Variants in SLC13A5 observed in about 807,000 individuals in gnomAD.
The protein encoded by SLC13A5 is Na(+)/citrate cotransporter.
SLC13A5 carries 25 observed loss-of-function variants against 56.5 expected under a neutral mutation model. That is an observed-to-expected ratio of 0.44 (90% CI 0.32 to 0.62). The LOEUF (loss-of-function observed/expected upper bound fraction) is 0.62, where lower values mean the gene tolerates loss of function less well. Among genes scored for constraint, SLC13A5 ranks in the 20% least tolerant of loss-of-function variants. SLC13A5 has a pLI of 0.04. For missense variants in SLC13A5, 649 were observed against 737.8 expected (o/e 0.88, Z 1.39); for synonymous variants, 307 against 301.5 (o/e 1.02, Z -0.19).
intron 6 of SLC13A5, 135 bp downstream of exon 6, chr17:6,700,869 A>G (rs537920827): frequency 4.8e-5 from 62 of 1,298,832 alleles, no homozygotes; most frequent in Non-Finnish European, 6.4e-5. Flanking sequence ...AGGGCAGACT[A>G]GCAGGAGACA....
chr17:6,690,595 C>T (rs1973379346), intron 10 of SLC13A5, among the ~76,000 whole-genome samples, 184 bp downstream of exon 10: 1 of 152,172 alleles, frequency 6.6e-6, no homozygotes, highest in African/African-American at 2.4e-5. Flanking sequence ...AGAGGAGTGG[C>T]AAAGCAGTGG....
chr17:6,706,562 T>G, intron 3 of SLC13A5, 80 bp downstream of exon 3: 1 of 1,544,854 alleles, frequency 6.5e-7, no homozygotes, highest in Non-Finnish European at 8.8e-7. Flanking sequence ...GTGGATGGCC[T>G]GGTCTGTGCC....
At chr17:6,694,801 G>A (rs1973514180) in intron 7 of SLC13A5, among the ~76,000 whole-genome samples, 1 of 152,158 alleles carries the variant, frequency 6.6e-6, no homozygotes. Flanking sequence ...GGGTTCACCA[G>A]GGTGACCATG....
At position 6,713,274 on chromosome 17, in the gene SLC13A5, G is replaced by C. The variant is rs141481217; in HGVS notation, c.60C>G (p.Thr20=). The change falls in exon 1 of 12, where the codon ACC becomes ACG. Residue 20 remains threonine, a synonymous_variant. Transcript: ENST00000433363. The surrounding 1 kb of genome is among the most constrained non-coding windows in gnomAD (Gnocchi z 7.3). ...KFKSFVILFV[T]PLLLLPLVIL... ...TGACGAGTGGCAGCAGCAGGAGCGG[G>C]GTGACGAACAAGATCACGAAGGACT... is the stretch of plus-strand genomic sequence containing the variant. 29 of 1,614,028 alleles carry C rather than the reference G, an allele frequency of 1.8e-5. No individual in the cohort carries two copies. The South Asian group carries it at 3.2e-4, about 18-fold the overall frequency.
Position 6,696,042 on chromosome 17 carries a change from CACAT to C in SLC13A5, c.840-105_840-102del. ...TCTACAGCAGAATGTAGCAAAAAGA[CACAT>C]AATGCTGTCCTCGCCTGCTATGGGG... is the stretch of plus-strand genomic sequence containing the variant. On this transcript the variant is annotated intron_variant, in intron 6 of 11. Coordinates refer to ENST00000433363, the MANE Select transcript of SLC13A5 (RefSeq NM_177550.5). 3 of 1,116,028 alleles carry C rather than the reference CACAT, an allele frequency of 2.7e-6. No individual in the cohort carries two copies. The South Asian group carries it at 4.4e-5, about 16-fold the overall frequency. The allele number at this position is 1,116,028 out of a possible 1,614,324, so 69.1% of individuals were successfully genotyped here.
chr17:6,690,677 G>T, intron 10 of SLC13A5, 102 bp downstream of exon 10: 1 of 1,532,036 alleles, frequency 6.5e-7, no homozygotes, highest in Non-Finnish European at 9.0e-7. Flanking sequence ...CCAAAGCCTG[G>T]TCTGAGTCTG....
Position 6,701,027 on chromosome 17 carries a change from G to A in SLC13A5, c.816C>T (p.Leu272=), listed in dbSNP as rs957223943. 4 of 1,614,068 alleles carry A rather than the reference G, an allele frequency of 2.5e-6. No individual in the cohort carries two copies. In the African/African-American group the frequency reaches 5.3e-5, roughly 22 times the overall value. Residue 272 remains leucine, a synonymous_variant, in exon 6 of 12, where the codon CTC becomes CTT. Coordinates refer to ENST00000433363, the MANE Select transcript of SLC13A5 (RefSeq NM_177550.5). The surrounding 1 kb of genome is among the most constrained non-coding windows in gnomAD (Gnocchi z 4.1). ...LVMLLFAWLW[L]QFVYMRFNFK... ...ACTTGAATCTCATGTAAACAAACTG[G>A]AGCCACAGCCAGGCGAACAGCAGCA...
intron 6 of SLC13A5, 47 bp from the exon 7 acceptor site, chr17:6,695,988 C>T (rs1460649212): frequency 1.3e-6 from 2 of 1,571,744 alleles, no homozygotes; most frequent in South Asian, 1.1e-5. Context: ...CTGGTTGGCT[C>T]AGGTGCTGGT....
At chr17:6,696,058 C>T (rs1973553384) in intron 6 of SLC13A5, 117 bp from the exon 7 acceptor site, 10 of 889,048 alleles carry the variant, frequency 1.1e-5, no homozygotes, top group South Asian at 5.0e-5. Flanking sequence ...ATGCTGTCCT[C>T]GCCTGCTATG....
rs111420319 is a variant in SLC13A5 at position 6,687,435 on chromosome 17, A to G, written c.1575+94T>C. ...TTCCGTGGCATTCCCAAGTCACATG[A>G]CATCGTTTTGAAACTCTGTCATTCA... On this transcript the variant is annotated intron_variant, in intron 11 of 11. Transcript: ENST00000433363. The surrounding 1 kb of genome is among the most constrained non-coding windows in gnomAD (Gnocchi z 5.0). 4 of 1,555,970 alleles carry G rather than the reference A, an allele frequency of 2.6e-6. No individual in the cohort carries two copies.
chr17:6,692,980 TG>T lies in SLC13A5; in HGVS notation c.1275+63del. The T allele has an allele frequency of 8.1e-7, 1 of 1,233,702 alleles. No homozygotes were observed. The highest frequency in any genetic ancestry group is 1.2e-6 in the Non-Finnish European group (1 of 833,776). The allele number at this position is 1,233,702 out of a possible 1,614,324, so 76.4% of individuals were successfully genotyped here. On this transcript the variant is annotated intron_variant, in intron 9 of 11. Transcript: ENST00000433363. The surrounding 1 kb of genome is among the most constrained non-coding windows in gnomAD (Gnocchi z 5.5). Reference sequence around the variant, plus strand: ...ACACACAAGCCCAGGGATGGAAGGGTGGAGAAACGCCACCCTCTTGACGAAG... The same window carrying T: ...ACACACAAGCCCAGGGATGGAAGGGTGAGAAACGCCACCCTCTTGACGAAG...
At position 6,702,959 on chromosome 17, in the gene SLC13A5, C is replaced by CA; in HGVS notation, c.716+10dup. On this transcript the variant is annotated intron_variant, in intron 5 of 11. Transcript: ENST00000433363. ...CTTCGTTGTCCCCAGAAGGTGCGAC[C>CA]AAGGACTCACTCGTTCATCTGGCCC... The CA allele has an allele frequency of 6.2e-7, 1 of 1,606,854 alleles. No individual in the cohort carries two copies. The highest frequency in any genetic ancestry group is 1.3e-5 in the African/African-American group (1 of 74,976).
chr17:6,707,949 G>A (rs1189247141), intron 1 of SLC13A5, among the ~76,000 whole-genome samples: 1 of 148,590 alleles, frequency 6.7e-6, no homozygotes, highest in Non-Finnish European at 1.5e-5. Flanking sequence ...CACCTCCCTA[G>A]GTTGTTTTAT....
At position 6,701,493 on chromosome 17, in the gene SLC13A5, C is replaced by A. The variant is rs892904928; in HGVS notation, c.717-367G>T. On this transcript the variant is annotated intron_variant, in intron 5 of 11. Transcript: ENST00000433363. This position sits in a 1 kb window ranked among gnomAD's most constrained non-coding sequence, Gnocchi z 4.1. The stretch of plus-strand genomic sequence containing the variant: ...CTGGGAGGCCGAGGCAGGTGGGGCA[C>A]AAGGTCAGGAGCTTAAGACTGGCCT... Among the ~76,000 whole-genome samples, 17 of 152,142 alleles carry A rather than the reference C, an allele frequency of 1.1e-4. No individual in the cohort carries two copies. Among genetic ancestry groups the A allele is most frequent in the Non-Finnish European group, 1.9e-4 (13 of 68,024 alleles).
chr17:6,702,890 AG>A, intron 5 of SLC13A5, 79 bp downstream of exon 5: 1 of 1,529,562 alleles, frequency 6.5e-7, no homozygotes, highest in East Asian at 2.3e-5. Context: ...GACTCTGCAG[AG>A]GAGCAGAGAG....
At chr17:6,699,511 C>T (rs564329022) in intron 6 of SLC13A5, among the ~76,000 whole-genome samples, 1 of 152,248 alleles carries the variant, frequency 6.6e-6, no homozygotes, top group East Asian at 1.9e-4. Flanking sequence ...TGCTCTGTCG[C>T]CCAGGCTGGA....
intron 10 of SLC13A5, among the ~76,000 whole-genome samples, chr17:6,690,418 A>C (rs994439962): frequency 2.0e-5 from 3 of 152,198 alleles, no homozygotes; most frequent in African/African-American, 7.2e-5. Context: ...CCCAGTCTGC[A>C]GTCCTCCTGC....
At chr17:6,710,373 A>T (rs2151502359) in intron 1 of SLC13A5, among the ~76,000 whole-genome samples, 1 of 152,220 alleles carries the variant, frequency 6.6e-6, no homozygotes, top group South Asian at 2.1e-4. Flanking sequence ...CTCTTGTTTC[A>T]TGTCTTCATC....
At position 6,713,113 on chromosome 17, in the gene SLC13A5, C is replaced by T; in HGVS notation, c.102+119G>A. On this transcript the variant is annotated intron_variant, in intron 1 of 11. Coordinates refer to ENST00000433363, the MANE Select transcript of SLC13A5 (RefSeq NM_177550.5). This position sits in a 1 kb window ranked among gnomAD's most constrained non-coding sequence, Gnocchi z 7.3. ...CTGGAGCTCCTGAGTGCGCGCGCCC[C>T]GGGAGAGCTGTGCTCCCCGCGAAAT... 1 of 1,016,834 alleles carries T rather than the reference C, an allele frequency of 9.8e-7. No individual in the cohort carries two copies. The highest frequency in any genetic ancestry group is 1.5e-6 in the Non-Finnish European group (1 of 685,418). 63.0% of individuals were successfully genotyped at this position (1,016,834 alleles called of 1,614,324 possible). A position where few individuals can be genotyped will look rare whatever the true frequency, so the allele number is the denominator to read the frequency against.
Sources: allele counts gnomAD v4.1 joint callset (sites outside exome capture counted in the v4.1 genomes callset), GRCh38; gene constraint gnomAD v4.1.1; non-coding constraint Gnocchi (gnomAD v3.1); transcripts MANE v1.5; gene names NCBI Gene and HGNC (gene_info 2026-07-23, HGNC 2026-07-21).